Variants in SNTG2 observed in about 807,000 individuals in gnomAD.
SNTG2 encodes the protein gamma-2-syntrophin.
A neutral mutation model predicts 70.9 loss-of-function variants in SNTG2; 74 were observed. The observed-to-expected ratio is 1.04, with a 90% CI of 0.86 to 1.27. The LOEUF (loss-of-function observed/expected upper bound fraction) is 1.27. SNTG2 is among the 50% of genes most tolerant of loss of function. The pLI, the probability that SNTG2 is intolerant of heterozygous loss-of-function variation, is 0.00. For missense variants in SNTG2, 717 were observed against 690.7 expected, an observed-to-expected ratio of 1.04 and a Z score of -0.43; for synonymous variants, 278 against 273.8, an observed-to-expected ratio of 1.02 and a Z score of -0.15.
At chr2:1,203,684 ATATATATGTGTGTGTG>A (rs1673441534) in intron 8 of SNTG2, among the ~76,000 whole-genome samples, 1 of 145,192 alleles carries the variant, frequency 6.9e-6, no homozygotes, top group African/African-American at 2.5e-5. Context: ...ATATATATAT[ATATATATGTGTGTGTG>A]TGTGTGTGTG....
At chr2:960,822 C>T (rs1009532514) in intron 1 of SNTG2, among the ~76,000 whole-genome samples, 4 of 150,776 alleles carry the variant, frequency 2.7e-5, no homozygotes, top group East Asian at 2.0e-4. Flanking sequence ...CATGGGAGCA[C>T]GGTGAGCTCT....
At chr2:1,120,016 A>G (rs114775605) in intron 4 of SNTG2, among the ~76,000 whole-genome samples, 1,735 of 152,288 alleles carry the variant, frequency 0.011, 35 homozygotes, top group African/African-American at 0.04. Context: ...TTCCTTCTCT[A>G]TCAATAAACA....
chr2:1,313,224 A>G (rs982982386), intron 15 of SNTG2, among the ~76,000 whole-genome samples: 3 of 152,242 alleles, frequency 2.0e-5, no homozygotes, highest in African/African-American at 7.2e-5. Flanking sequence ...AAACATTAGC[A>G]TGTTTCATGT....
rs192295203 is a variant in SNTG2, at chr2:1,291,299, G to C, written c.1285-17195G>C. Among the ~76,000 whole-genome samples the C allele has an allele frequency of 4.5e-3, 685 of 152,148 alleles. 7 individuals are homozygous for C. The highest frequency in any genetic ancestry group is 0.015 in the African/African-American group (641 of 41,510). ...GATTTACAAACTTTCACATTCTCTG[G>C]GTTGGATTTCCACTCTTTGGTGGTG... On this transcript the variant is annotated intron_variant, in intron 14 of 16. Transcript: ENST00000308624.
At position 1,266,803 on chromosome 2, in the gene SNTG2, T is replaced by G. The variant is rs1051766963; in HGVS notation, c.1078-562T>G. Among the ~76,000 whole-genome samples the G allele has an allele frequency of 8.5e-5, 11 of 128,946 alleles. No individual in the cohort carries two copies. The East Asian group carries it at 1.7e-3, about 20-fold the overall frequency. The allele number at this position is 128,946 out of a possible 152,430, so 84.6% of individuals were successfully genotyped here. A position where few individuals can be genotyped will look rare whatever the true frequency, so the allele number is the denominator to read the frequency against. ...TTTCCCTCTGTCACCCAGGCTGGAG[T>G]GCATTGGTGGTGTGATCTTGGCTTT... On this transcript the variant is annotated intron_variant, in intron 13 of 16. Transcript: ENST00000308624.
intron 8 of SNTG2, among the ~76,000 whole-genome samples, chr2:1,199,822 C>T (rs138600654): frequency 6.6e-6 from 1 of 151,716 alleles, no homozygotes; most frequent in Non-Finnish European, 1.5e-5. Flanking sequence ...GGTAAATGAC[C>T]TCTACAAGAA....
chr2:1,262,465 T>C (rs180995814), intron 13 of SNTG2, among the ~76,000 whole-genome samples: 8 of 152,370 alleles, frequency 5.3e-5, no homozygotes, highest in African/African-American at 1.7e-4. Flanking sequence ...AAGAGACTTC[T>C]AGAAAGATTC....
chr2:1,140,926 A>G (rs142968295), intron 6 of SNTG2, among the ~76,000 whole-genome samples: 56 of 152,338 alleles, frequency 3.7e-4, no homozygotes, highest in African/African-American at 1.3e-3. Flanking sequence ...CGTTTCAGTC[A>G]CCTATAATAG....
At chr2:1,082,865 C>A (rs954011788) in intron 1 of SNTG2, among the ~76,000 whole-genome samples, 2 of 152,238 alleles carry the variant, frequency 1.3e-5, no homozygotes, top group Admixed American at 1.3e-4. Context: ...CATCTGCTGA[C>A]AAAGCTGATA....
At chr2:992,335 A>G (rs931602375) in intron 1 of SNTG2, among the ~76,000 whole-genome samples, 2 of 152,244 alleles carry the variant, frequency 1.3e-5, no homozygotes, top group Admixed American at 1.3e-4. Context: ...GACAAAACAC[A>G]TGATAAATAT....
chr2:1,075,297 C>T (rs1663846679), intron 1 of SNTG2, among the ~76,000 whole-genome samples: 1 of 152,210 alleles, frequency 6.6e-6, no homozygotes, highest in Non-Finnish European at 1.5e-5. Flanking sequence ...GCTCCTACGT[C>T]CTTTGCAGCT....
chr2:957,996 C>T (rs1211236576), intron 1 of SNTG2, among the ~76,000 whole-genome samples: 2 of 152,076 alleles, frequency 1.3e-5, no homozygotes, highest in Non-Finnish European at 2.9e-5. Flanking sequence ...GGAATTTGAG[C>T]CCAGAACCCC....
intron 9 of SNTG2, among the ~76,000 whole-genome samples, chr2:1,212,578 GTT>G (rs1674115652): frequency 6.6e-6 from 1 of 152,206 alleles, no homozygotes; most frequent in South Asian, 2.1e-4. Context: ...CTTGCTGACT[GTT>G]TTATGATTTT....
intron 11 of SNTG2, among the ~76,000 whole-genome samples, chr2:1,244,230 G>A (rs1677253320): frequency 6.6e-6 from 1 of 152,212 alleles, no homozygotes; most frequent in Admixed American, 6.5e-5. Context: ...GCAGGGACCT[G>A]CAGAAGGGGA....
intron 1 of SNTG2, among the ~76,000 whole-genome samples, chr2:1,060,291 G>C (rs1253310583): frequency 2.0e-5 from 3 of 152,210 alleles, no homozygotes; most frequent in Non-Finnish European, 4.4e-5. Context: ...AACGATACCA[G>C]TGTGAACTCA....
At chr2:1,330,639 G>C (rs1375872876) in intron 16 of SNTG2, among the ~76,000 whole-genome samples, 1 of 152,184 alleles carries the variant, frequency 6.6e-6, no homozygotes, top group Non-Finnish European at 1.5e-5. Context: ...CATTCAATTA[G>C]TCGGGTTCCA....
At chr2:1,252,933 T>C (rs1677849375) in intron 12 of SNTG2, among the ~76,000 whole-genome samples, 1 of 152,238 alleles carries the variant, frequency 6.6e-6, no homozygotes, top group Non-Finnish European at 1.5e-5. Context: ...TTTTCTGGCC[T>C]GACATTTTAT....
intron 16 of SNTG2, among the ~76,000 whole-genome samples, chr2:1,331,130 G>A (rs1369012722): frequency 6.6e-6 from 1 of 152,180 alleles, no homozygotes; most frequent in East Asian, 1.9e-4. Flanking sequence ...GCCACGTCGT[G>A]TCCTGGACAA....
At chr2:1,186,548 G>A (rs1672263259) in intron 8 of SNTG2, among the ~76,000 whole-genome samples, 1 of 152,188 alleles carries the variant, frequency 6.6e-6, no homozygotes. Context: ...AGGAAGCATG[G>A]CTAGGGAGAC....
Sources: gnomAD v4.1 joint callset for allele counts (sites outside exome capture counted in the v4.1 genomes callset) on GRCh38, gnomAD v4.1.1 for gene constraint, MANE v1.5 for transcripts, NCBI Gene and HGNC (gene_info 2026-07-23, HGNC 2026-07-21) for gene names.